FRMD6: variants seen among roughly 807,000 people sequenced by gnomAD.
The protein encoded by FRMD6 is FERM domain-containing protein 6.
A neutral mutation model predicts 73.2 loss-of-function variants in FRMD6; 37 were observed. That is an observed-to-expected ratio of 0.51 (90% CI 0.39 to 0.66). The LOEUF (loss-of-function observed/expected upper bound fraction) is 0.66. FRMD6 is among the 30% of genes least tolerant of loss of function. The pLI is 0.00. For synonymous variants in FRMD6, 273 were observed against 282.2 expected, an observed-to-expected ratio of 0.97 and a Z score of 0.33; for missense variants, 714 against 780.5, an observed-to-expected ratio of 0.91 and a Z score of 1.02.
chr14:51,403,746 G>GT, the FRMD6 span, among the ~76,000 whole-genome samples: 39 of 152,176 alleles, frequency 2.6e-4, 1 homozygote, highest in Admixed American at 2.6e-3. Context: ...TTTCATATGT[G>GT]TTTTTACAAG....
At chr14:51,466,644 T>C in the FRMD6 span, among the ~76,000 whole-genome samples, 6 of 152,350 alleles carry the variant, frequency 3.9e-5, no homozygotes, top group African/African-American at 1.4e-4. Context: ...GTTGTTAATA[T>C]TACTGTAGCT....
chr14:51,474,682 A>G, the FRMD6 span, among the ~76,000 whole-genome samples: 1 of 152,182 alleles, frequency 6.6e-6, no homozygotes, highest in Non-Finnish European at 1.5e-5. Flanking sequence ...GTGATGCAGG[A>G]TAAGTTTGAG....
chr14:51,716,798 A>G (rs1030610090), intron 10 of FRMD6, among the ~76,000 whole-genome samples: 3 of 152,216 alleles, frequency 2.0e-5, no homozygotes, highest in Admixed American at 6.5e-5. Flanking sequence ...TATCTCTCCT[A>G]TGCTGACATG....
intron 1 of FRMD6, among the ~76,000 whole-genome samples, chr14:51,516,977 C>T (rs1884670735): frequency 1.3e-5 from 2 of 152,066 alleles, no homozygotes; most frequent in African/African-American, 4.8e-5. Context: ...CTGTCAATTG[C>T]CTTGGTTATA....
intron 2 of FRMD6, among the ~76,000 whole-genome samples, chr14:51,581,190 C>T (rs75578429): frequency 3.3e-5 from 5 of 152,108 alleles, no homozygotes; most frequent in South Asian, 2.1e-4. Flanking sequence ...AACATGCATC[C>T]GCCCACACTT....
chr14:51,593,669 G>C (rs1337929851), intron 2 of FRMD6, among the ~76,000 whole-genome samples: 1 of 152,162 alleles, frequency 6.6e-6, no homozygotes, highest in East Asian at 1.9e-4. Context: ...GAATCCAGCT[G>C]TTTTGATTCT....
intron 2 of FRMD6, among the ~76,000 whole-genome samples, chr14:51,693,309 C>A (rs1895729197): frequency 6.6e-6 from 1 of 151,980 alleles, no homozygotes; most frequent in African/African-American, 2.4e-5. Context: ...CATTTTAATC[C>A]CTAGGCAGAG....
chr14:51,419,077 C>T, the FRMD6 span, among the ~76,000 whole-genome samples: 3 of 152,128 alleles, frequency 2.0e-5, no homozygotes, highest in Non-Finnish European at 4.4e-5. Flanking sequence ...TTCCAGGTAC[C>T]ATCTCTCATG....
rs1896073194 is a variant in FRMD6 at position 51,698,245 on chromosome 14, G to T, written c.190+13G>T. ...AGTGTTATACAAAGTAAGTCTTAGA[G>T]CCCTCTCTGATGGATTTAGCCAACT... On this transcript the variant is annotated intron_variant, in intron 3 of 13. Coordinates refer to ENST00000344768, the MANE Select transcript of FRMD6 (RefSeq NM_001267046.2). 6.3e-7 allele frequency: 1 copy of T among 1,585,314 alleles called. No homozygotes were observed. Among genetic ancestry groups the T allele is most frequent in the Admixed American group, 1.7e-5 (1 of 58,748 alleles).
intron 2 of FRMD6, among the ~76,000 whole-genome samples, chr14:51,619,483 T>A (rs754153150): frequency 6.6e-6 from 1 of 151,898 alleles, no homozygotes; most frequent in Non-Finnish European, 1.5e-5. Flanking sequence ...TTTGGAAGAG[T>A]TGTCATAAAT....
chr14:51,506,323 C>T (rs1883962056), intron 1 of FRMD6, among the ~76,000 whole-genome samples: 1 of 152,158 alleles, frequency 6.6e-6, no homozygotes, highest in African/African-American at 2.4e-5. Context: ...AGTACAGCTC[C>T]TATAGTTGGA....
At chr14:51,491,354 A>C (rs1280533086) in intron 1 of FRMD6, 1 of 152,308 alleles carries the variant, frequency 6.6e-6, no homozygotes, top group Non-Finnish European at 1.5e-5. Flanking sequence ...GGTTGCTATA[A>C]ATAACATCCT....
the FRMD6 span, among the ~76,000 whole-genome samples, chr14:51,428,953 AG>A: frequency 1.3e-4 from 5 of 37,212 alleles, no homozygotes; most frequent in Non-Finnish European, 2.0e-4. Context: ...GGAGAGACAG[AG>A]GGGGAGAGAG....
chr14:51,638,464 CG>C (rs1891670293), intron 2 of FRMD6, among the ~76,000 whole-genome samples: 1 of 152,066 alleles, frequency 6.6e-6, no homozygotes, highest in African/African-American at 2.4e-5. Flanking sequence ...CACTTACTGC[CG>C]GGCTACTGCT....
At chr14:51,638,004 G>C (rs972030842) in intron 2 of FRMD6, 3 of 152,216 alleles carry the variant, frequency 2.0e-5, no homozygotes, top group Non-Finnish European at 4.4e-5. Flanking sequence ...TCTGCCAAGC[G>C]TGGTGGCTCA....
chr14:51,531,472 T>C (rs563977177), intron 1 of FRMD6, among the ~76,000 whole-genome samples: 2 of 152,260 alleles, frequency 1.3e-5, no homozygotes, highest in Admixed American at 1.3e-4. Context: ...CAAGGAGAAA[T>C]GACAACTAAA....
chr14:51,683,289 A>T (rs1361672318), intron 1 of FRMD6, among the ~76,000 whole-genome samples: 1 of 151,756 alleles, frequency 6.6e-6, no homozygotes, highest in African/African-American at 2.4e-5. Flanking sequence ...TTTATTTTTG[A>T]GACAGAGCCT....
At chr14:51,457,116 C>T in the FRMD6 span, among the ~76,000 whole-genome samples, 1 of 151,938 alleles carries the variant, frequency 6.6e-6, no homozygotes, top group Non-Finnish European at 1.5e-5. Flanking sequence ...TTCAAAATAG[C>T]CAGAAGAGAG....
At chr14:51,577,694 G>C (rs1301474441) in intron 2 of FRMD6, among the ~76,000 whole-genome samples, 2 of 152,134 alleles carry the variant, frequency 1.3e-5, no homozygotes, top group African/African-American at 4.8e-5. Flanking sequence ...CTTCAAGGAT[G>C]AACAGAAGTT....
Sources: allele counts gnomAD v4.1 joint callset (sites outside exome capture counted in the v4.1 genomes callset), GRCh38; gene constraint gnomAD v4.1.1; transcripts MANE v1.5; gene names NCBI Gene and HGNC (gene_info 2026-07-23, HGNC 2026-07-21).